The following KCNJ15 variants were observed in gnomAD, a reference collection of about 807,000 sequenced individuals.
KCNJ15 encodes potassium inwardly rectifying channel subfamily J member 15.
A neutral mutation model predicts 23.0 loss-of-function variants in KCNJ15; 14 were observed. The ratio of observed to expected loss-of-function variants is 0.61; its 90% CI spans 0.40 to 0.95. The LOEUF is 0.95. Among genes scored for constraint, KCNJ15 ranks in the 40% least tolerant of loss-of-function variants. KCNJ15 has a pLI of 0.00. For synonymous variants in KCNJ15, 185 were observed against 183.2 expected (o/e 1.01, Z -0.08); for missense variants, 388 against 461.8 (o/e 0.84, Z 1.46).
intron 1 of KCNJ15, chr21:38,268,887 T>C (rs1011886295): frequency 3.9e-5 from 6 of 152,220 alleles, no homozygotes; most frequent in Non-Finnish European, 7.3e-5. Context: ...CCTTCCTTCT[T>C]CCCCAGGACC....
At chr21:38,234,980 T>C (rs954565529) in intron 1 of KCNJ15, among the ~76,000 whole-genome samples, 1 of 152,180 alleles carries the variant, frequency 6.6e-6, no homozygotes, top group Non-Finnish European at 1.5e-5. Flanking sequence ...ACTTTCTCCA[T>C]GCTCAAACAC....
chr21:38,244,647 C>T (rs776256362), intron 1 of KCNJ15, among the ~76,000 whole-genome samples: 5 of 152,104 alleles, frequency 3.3e-5, no homozygotes, highest in African/African-American at 4.8e-5. Context: ...CAGAACTGAG[C>T]AAGTCCTAAC....
chr21:38,264,279 A>G (rs1215902575), intron 1 of KCNJ15, among the ~76,000 whole-genome samples: 1 of 152,222 alleles, frequency 6.6e-6, no homozygotes, highest in Non-Finnish European at 1.5e-5. Flanking sequence ...CTGAGATTGT[A>G]AACTTTCTTC....
chr21:38,263,497 T>A (rs1290471534), intron 1 of KCNJ15, among the ~76,000 whole-genome samples: 1 of 152,194 alleles, frequency 6.6e-6, no homozygotes, highest in East Asian at 1.9e-4. Flanking sequence ...ATTAACATTT[T>A]AAAAACCCCA....
rs543096995 is a variant in KCNJ15 at position 38,304,662 on chromosome 21, C to CTTTTTTTTTTTTTTTTTTTTTTTTT, written c.*4280_*4304dup. On this transcript the variant is annotated 3_prime_UTR_variant, in exon 3 of 3. Transcript: ENST00000398938. ...TTACCCTTTGTAAACTTCAATTTATCTTTTTTTTTTTTTTTTTTTTTTTTT... is the reference window on the plus strand; with the variant it reads ...TTACCCTTTGTAAACTTCAATTTATCTTTTTTTTTTTTTTTTTTTTTTTTTTTTTTTTTTTTTTTTTTTTTTTTTT... 1 of 56,026 alleles carries CTTTTTTTTTTTTTTTTTTTTTTTTT rather than the reference C, an allele frequency of 1.8e-5. No individual in the cohort carries two copies. The highest frequency in any genetic ancestry group is 3.6e-5 in the Non-Finnish European group (1 of 28,118). 3.5% of individuals were successfully genotyped at this position (56,026 alleles called of 1,614,324 possible).
At chr21:38,241,935 C>CTTCA (rs1220761248) in intron 1 of KCNJ15, among the ~76,000 whole-genome samples, 1 of 149,364 alleles carries the variant, frequency 6.7e-6, no homozygotes, top group Non-Finnish European at 1.5e-5. Context: ...TGCCACTGCC[C>CTTCA]TTCAGCCTGG....
At chr21:38,245,234 A>G (rs1979287438) in intron 1 of KCNJ15, among the ~76,000 whole-genome samples, 1 of 152,050 alleles carries the variant, frequency 6.6e-6, no homozygotes, top group African/African-American at 2.4e-5. Flanking sequence ...GTGTGGCCAT[A>G]TGCCTGATTC....
At chr21:38,241,379 G>A (rs1978981738) in intron 1 of KCNJ15, among the ~76,000 whole-genome samples, 1 of 152,206 alleles carries the variant, frequency 6.6e-6, no homozygotes, top group South Asian at 2.1e-4. Context: ...GGATATTAGA[G>A]TTCAAAACAC....
chr21:38,277,044 T>TGC (rs1457265683), intron 1 of KCNJ15, among the ~76,000 whole-genome samples: 13 of 151,658 alleles, frequency 8.6e-5, no homozygotes, highest in African/African-American at 3.1e-4. Context: ...TGTGTGTGTG[T>TGC]GTGTAAAATT....
intron 1 of KCNJ15, among the ~76,000 whole-genome samples, chr21:38,281,936 T>A (rs1312641108): frequency 6.6e-6 from 1 of 152,170 alleles, no homozygotes; most frequent in Non-Finnish European, 1.5e-5. Flanking sequence ...GCAACTATTT[T>A]TTGACTTTTT....
intron 1 of KCNJ15, among the ~76,000 whole-genome samples, chr21:38,249,950 G>A (rs989293798): frequency 9.2e-5 from 14 of 152,150 alleles, no homozygotes; most frequent in Non-Finnish European, 7.3e-5. Flanking sequence ...TAGCCCCTGT[G>A]CATTGCTAGG....
chr21:38,255,407 A>G (rs1189579103), upstream of KCNJ15, among the ~76,000 whole-genome samples: 1 of 152,102 alleles, frequency 6.6e-6, no homozygotes, highest in Non-Finnish European at 1.5e-5. Context: ...TCCTCGCGGG[A>G]GGTCTATCTG....
rs150956930 is a variant in KCNJ15, at chr21:38,299,612, G to A, written c.351G>A (p.Ala117=). ...TGAAAGTGGACTCTCTCACTGGGGCGTTTCTCTTTTCCCTGGAATCCCAGA... is the reference window on the plus strand; with the variant it reads ...TGAAAGTGGACTCTCTCACTGGGGCATTTCTCTTTTCCCTGGAATCCCAGA... The part of the protein sequence containing the change: ...CIMKVDSLTG[A]FLFSLESQTT... Residue 117 remains alanine, a synonymous_variant, in exon 3 of 3, where the codon GCG becomes GCA. Coordinates refer to ENST00000398938, the MANE Select transcript of KCNJ15 (RefSeq NM_170736.3). This position sits in a 1 kb window ranked among gnomAD's most constrained non-coding sequence, Gnocchi z 4.5. The A allele has an allele frequency of 3.3e-5, 53 of 1,613,960 alleles. No homozygotes were observed. The African/African-American group carries it at 3.6e-4, about 11-fold the overall frequency.
chr21:38,284,664 C>T (rs1983699314), intron 1 of KCNJ15, among the ~76,000 whole-genome samples: 1 of 152,208 alleles, frequency 6.6e-6, no homozygotes, highest in African/African-American at 2.4e-5. Context: ...CCAAGATACT[C>T]CTTGTGCTCC....
In KCNJ15 at chr21:38,301,293, A is replaced by T. The variant is rs1317515300; in HGVS notation, c.*904A>T. On this transcript the variant is annotated 3_prime_UTR_variant, in exon 3 of 3. Coordinates refer to ENST00000398938, the MANE Select transcript of KCNJ15 (RefSeq NM_170736.3). ...CAGTGTTCTCAAAGCAACTTTCTGA[A>T]GCCGTGTGGAAAACTGACTCTGTGT... is the stretch of plus-strand genomic sequence containing the variant. The T allele has an allele frequency of 1.2e-5, 2 of 167,136 alleles. No homozygotes were observed. The highest frequency in any genetic ancestry group is 1.5e-5 in the Non-Finnish European group (1 of 68,130). 10.4% of individuals were successfully genotyped at this position (167,136 alleles called of 1,614,324 possible).
chr21:38,279,880 G>A (rs909438779), intron 1 of KCNJ15, among the ~76,000 whole-genome samples: 11 of 152,140 alleles, frequency 7.2e-5, no homozygotes, highest in Non-Finnish European at 1.0e-4. Flanking sequence ...CAGACAGAAG[G>A]CCATTGCCAA....
chr21:38,268,819 GAC>G (rs761017031), intron 1 of KCNJ15: 4 of 152,240 alleles, frequency 2.6e-5, no homozygotes, highest in Non-Finnish European at 5.9e-5. Flanking sequence ...ATGGGAAAGA[GAC>G]AGAGGTGGGC....
rs1032736669 is a variant in KCNJ15, at chr21:38,301,827, G to A, written c.*1438G>A. 3.0e-5 allele frequency: 5 copies of A among 166,942 alleles called. No individual in the cohort carries two copies. The highest frequency in any genetic ancestry group is 1.2e-4 in the African/African-American group (5 of 41,390). The allele number at this position is 166,942 out of a possible 1,614,324, so 10.3% of individuals were successfully genotyped here. A position where few individuals can be genotyped will look rare whatever the true frequency, so the allele number is the denominator to read the frequency against. ...GCTATGACTGGTTAAATGTCCAAAA[G>A]GTGAATTCTCATTTCATTCAAACAA... On this transcript the variant is annotated 3_prime_UTR_variant, in exon 3 of 3. Coordinates refer to ENST00000398938, the MANE Select transcript of KCNJ15 (RefSeq NM_170736.3).
intron 1 of KCNJ15, among the ~76,000 whole-genome samples, chr21:38,277,555 C>T (rs897775977): frequency 6.6e-5 from 10 of 152,184 alleles, no homozygotes; most frequent in African/African-American, 2.4e-4. Flanking sequence ...TGTATCTGAA[C>T]TTCCACGTGC....
Sources: allele counts gnomAD v4.1 joint callset (sites outside exome capture counted in the v4.1 genomes callset), GRCh38; gene constraint gnomAD v4.1.1; non-coding constraint Gnocchi (gnomAD v3.1); transcripts MANE v1.5; gene names NCBI Gene and HGNC (gene_info 2026-07-23, HGNC 2026-07-21).